The following LYST variants were observed in gnomAD, a reference collection of about 807,000 sequenced individuals.
LYST encodes the protein lysosomal-trafficking regulator.
Under a neutral mutation model 413.6 loss-of-function variants are expected in LYST, and 192 were observed. The observed-to-expected ratio is 0.46, with a 90% confidence interval of 0.41 to 0.52. LYST has a LOEUF of 0.52. LYST is among the 20% of genes least tolerant of loss of function. The pLI is 0.00. For synonymous variants in LYST, 1,525 were observed against 1,567.3 expected (o/e 0.97, Z 0.64); for missense variants, 3,815 against 4,499.9 (o/e 0.85, Z 4.35).
chr1:235,880,505 C>T (rs1681333358), intron 1 of LYST, among the ~76,000 whole-genome samples: 1 of 152,186 alleles, frequency 6.6e-6, no homozygotes, highest in South Asian at 2.1e-4. Flanking sequence ...CTAATATGTA[C>T]AGCAAACCAG....
chr1:235,791,942 T>C lies in LYST; in HGVS notation c.4300A>G (p.Ser1434Gly). Residue 1434 changes from serine (S) to glycine (G), a missense_variant, in exon 12 of 53, where the codon AGC becomes GGC. This residue lies in a region of LYST where 1,648 missense variants were observed against 1,810.3 expected (regional missense o/e 0.91). Coordinates refer to ENST00000389793, the MANE Select transcript of LYST (RefSeq NM_000081.4). ...GLLRRARVSR[S>G]KKEADRESFP... The stretch of plus-strand genomic sequence containing the variant: ...CTCTCTCTATCAGCCTCTTTCTTGC[T>C]CCGTGAAACTCGTGCTCTTCTCAAT... 1 of 1,614,128 alleles carries C rather than the reference T, an allele frequency of 6.2e-7. No homozygotes were observed. Among genetic ancestry groups the C allele is most frequent in the Non-Finnish European group, 8.5e-7 (1 of 1,180,008 alleles).
chr1:235,846,567 A>G (rs1175100082), intron 1 of LYST, among the ~76,000 whole-genome samples: 1 of 152,200 alleles, frequency 6.6e-6, no homozygotes, highest in Admixed American at 6.5e-5. Flanking sequence ...TTAGATATTA[A>G]GCTAATCAGG....
chr1:235,689,965 A>C (rs746584758), intron 47 of LYST, among the ~76,000 whole-genome samples: 3 of 152,210 alleles, frequency 2.0e-5, no homozygotes, highest in Non-Finnish European at 4.4e-5. Context: ...AGCATCTTTA[A>C]AGTTATTTGT....
chr1:235,703,413 G>A (rs1452859905), intron 44 of LYST, among the ~76,000 whole-genome samples: 1 of 152,138 alleles, frequency 6.6e-6, no homozygotes, highest in Non-Finnish European at 1.5e-5. Flanking sequence ...AAAATTCAAA[G>A]CTCTTAAATG....
At chr1:235,781,095 C>G in intron 15 of LYST, 40 bp from the exon 16 acceptor site, 1 of 1,277,900 alleles carries the variant, frequency 7.8e-7, no homozygotes, top group Non-Finnish European at 1.1e-6. Context: ...TTAAAACACC[C>G]TAACCAGAAT....
chr1:235,695,685 T>C (rs190076893), intron 46 of LYST, among the ~76,000 whole-genome samples: 168 of 140,060 alleles, frequency 1.2e-3, no homozygotes, highest in Non-Finnish European at 7.8e-4. Flanking sequence ...CAGGCTGGAG[T>C]GCAATGGTGC....
chr1:235,731,299 A>G, intron 34 of LYST, 122 bp from the exon 35 acceptor site: 1 of 840,208 alleles, frequency 1.2e-6, no homozygotes, highest in Non-Finnish European at 2.0e-6. Flanking sequence ...AAAACTCCAA[A>G]TGTTTATATA....
At chr1:235,729,515 C>T in intron 37 of LYST, 81 bp downstream of exon 37, 2 of 931,822 alleles carry the variant, frequency 2.1e-6, no homozygotes, top group Non-Finnish European at 3.5e-6. Context: ...TAATGGCATG[C>T]TGTCAAAAAA....
chr1:235,755,747 T>C, intron 24 of LYST, 100 bp from the exon 25 acceptor site: 3 of 683,154 alleles, frequency 4.4e-6, no homozygotes, highest in Non-Finnish European at 7.5e-6. Context: ...TAAGTTCATA[T>C]GTACAGAAGA....
intron 48 of LYST, among the ~76,000 whole-genome samples, chr1:235,682,012 T>C (rs1558110853): frequency 6.6e-6 from 1 of 152,140 alleles, no homozygotes; most frequent in African/African-American, 2.4e-5. Flanking sequence ...AAAACCTACA[T>C]CAAAGGGTTA....
intron 1 of LYST, among the ~76,000 whole-genome samples, chr1:235,840,386 T>C (rs1677077696): frequency 6.6e-6 from 1 of 152,052 alleles, no homozygotes; most frequent in South Asian, 2.1e-4. Flanking sequence ...AACTACAAAA[T>C]GAGAAACAGG....
At position 235,830,246 on chromosome 1, in the gene LYST, G is replaced by A; in HGVS notation, c.172C>T (p.Leu58=). Residue 58 remains leucine (L), a synonymous_variant, in exon 3 of 53, where the codon CTA becomes TTA. Coordinates refer to ENST00000389793, the MANE Select transcript of LYST (RefSeq NM_000081.4). ...HGRGFLLLTK[L]NSIIDQALTC... ...GTTACCTGATCAATTATAGAATTTA[G>A]CTTGGTAAGTAATAGAAATCCTCGA... 1 of 1,613,046 alleles carries A rather than the reference G, an allele frequency of 6.2e-7. No individual in the cohort carries two copies. Among genetic ancestry groups the A allele is most frequent in the Non-Finnish European group, 8.5e-7 (1 of 1,179,082 alleles).
At chr1:235,845,563 C>T (rs371962116) in intron 1 of LYST, among the ~76,000 whole-genome samples, 6 of 152,184 alleles carry the variant, frequency 3.9e-5, no homozygotes, top group Non-Finnish European at 8.8e-5. Flanking sequence ...CCTTTTCTTT[C>T]GTAGCTGAGA....
intron 31 of LYST, among the ~76,000 whole-genome samples, chr1:235,741,112 T>A (rs992064880): frequency 1.3e-5 from 2 of 152,222 alleles, no homozygotes; most frequent in Admixed American, 6.5e-5. Flanking sequence ...AATGCTTTTT[T>A]AAAAAGCCTC....
intron 1 of LYST, among the ~76,000 whole-genome samples, chr1:235,846,747 C>G (rs566750433): frequency 6.6e-6 from 1 of 152,028 alleles, no homozygotes; most frequent in East Asian, 1.9e-4. Context: ...AAAGTCTCAG[C>G]GATAGAACTA....
In LYST at chr1:235,741,507, G is replaced by A; in HGVS notation, c.8273C>T (p.Ala2758Val). The A allele has an allele frequency of 6.2e-7, 1 of 1,614,050 alleles. No individual in the cohort carries two copies. The highest frequency in any genetic ancestry group is 8.5e-7 in the Non-Finnish European group (1 of 1,179,968). The change falls in exon 31 of 53, where the codon GCA (alanine) becomes GTA (valine). Residue 2758 changes from alanine (A) to valine (V), a missense_variant. Ala to Val is a moderately conservative substitution (Grantham distance 64). Coordinates refer to ENST00000389793, the MANE Select transcript of LYST (RefSeq NM_000081.4). ...LVHILSPAHA[A>V]QERKQIFEIV... is the part of the protein sequence containing the mutation. ...TTCAAAAATTTGCTTTCTCTCTTGT[G>A]CAGCGTGGGCTGGCGACAAAATATG...
intron 20 of LYST, among the ~76,000 whole-genome samples, chr1:235,768,534 T>C (rs1445835694): frequency 6.6e-6 from 1 of 152,102 alleles, no homozygotes; most frequent in Non-Finnish European, 1.5e-5. Context: ...CATAAAGCTA[T>C]GTTTAATAAA....
At chr1:235,698,619 C>A (rs1170244989) in intron 45 of LYST, among the ~76,000 whole-genome samples, 1 of 152,138 alleles carries the variant, frequency 6.6e-6, no homozygotes, top group African/African-American at 2.4e-5. Context: ...AGCCTGTAAT[C>A]CCAGCACTTT....
chr1:235,719,203 A>C (rs1459981565), intron 40 of LYST, among the ~76,000 whole-genome samples: 1 of 152,054 alleles, frequency 6.6e-6, no homozygotes, highest in East Asian at 1.9e-4. Flanking sequence ...TTTTTAATAG[A>C]GTTAGGGTTT....
Sources: allele counts gnomAD v4.1 joint callset (sites outside exome capture counted in the v4.1 genomes callset), GRCh38; gene constraint gnomAD v4.1.1; regional missense constraint gnomAD v4.1.1; transcripts MANE v1.5; gene names NCBI Gene and HGNC (gene_info 2026-07-23, HGNC 2026-07-21).